The following TNFSF4 variants were observed in gnomAD, a reference collection of about 807,000 sequenced individuals.
The protein encoded by TNFSF4 is TNF superfamily member 4, also known as tumor necrosis factor ligand superfamily member 4.
In TNFSF4, 4 loss-of-function variants were observed where a neutral mutation model predicts 7.3. The observed-to-expected ratio is 0.55, with a 90% CI of 0.27 to 1.25. The LOEUF is 1.25. Ranked by LOEUF, TNFSF4 falls within the 50% of genes most tolerant of loss-of-function variation. TNFSF4 has a pLI of 0.12. For missense variants in TNFSF4, 181 were observed against 208.8 expected (o/e 0.87, Z 0.82); for synonymous variants, 76 against 83.7 (o/e 0.91, Z 0.50).
chr1:173,258,867 A>G, the TNFSF4 span, among the ~76,000 whole-genome samples: 2 of 151,668 alleles, frequency 1.3e-5, no homozygotes, highest in African/African-American at 4.8e-5. Flanking sequence ...CCTGAGATGG[A>G]GCCCCTGATG....
chr1:173,193,657 A>G (rs1208852134), intron 1 of TNFSF4, among the ~76,000 whole-genome samples: 1 of 152,114 alleles, frequency 6.6e-6, no homozygotes, highest in Admixed American at 6.5e-5. Flanking sequence ...AGCTTAGAGA[A>G]AAGAAGAAGT....
the TNFSF4 span, among the ~76,000 whole-genome samples, chr1:173,358,054 G>GTT: frequency 7.2e-5 from 11 of 152,318 alleles, no homozygotes; most frequent in East Asian, 2.1e-3. Flanking sequence ...ATGGGGGGGG[G>GTT]TATCCTGGAT....
the TNFSF4 span, among the ~76,000 whole-genome samples, chr1:173,225,619 G>A: frequency 1.3e-5 from 2 of 152,082 alleles, no homozygotes; most frequent in East Asian, 3.8e-4. Flanking sequence ...AATGAATTAG[G>A]CCCAAATGAC....
chr1:173,404,086 G>A, the TNFSF4 span, among the ~76,000 whole-genome samples: 74 of 152,284 alleles, frequency 4.9e-4, no homozygotes, highest in Middle Eastern at 3.4e-3. Context: ...GGAACATAGA[G>A]CACTAGACAT....
the TNFSF4 span, among the ~76,000 whole-genome samples, chr1:173,411,119 G>A: frequency 6.6e-6 from 1 of 152,192 alleles, no homozygotes; most frequent in Non-Finnish European, 1.5e-5. Flanking sequence ...CTGCGGACCA[G>A]GGCATATCAC....
chr1:173,306,903 G>C, the TNFSF4 span, among the ~76,000 whole-genome samples: 5 of 151,776 alleles, frequency 3.3e-5, no homozygotes, highest in South Asian at 1.0e-3. Flanking sequence ...CTCACCTTTA[G>C]ACTTTGCAGC....
chr1:173,219,781 G>A, the TNFSF4 span, among the ~76,000 whole-genome samples: 1 of 152,114 alleles, frequency 6.6e-6, no homozygotes, highest in Non-Finnish European at 1.5e-5. Flanking sequence ...ATTATTATAA[G>A]TGAACTAACC....
the TNFSF4 span, among the ~76,000 whole-genome samples, chr1:173,278,737 C>G: frequency 6.6e-5 from 10 of 152,066 alleles, no homozygotes; most frequent in South Asian, 8.3e-4. Context: ...GAGGAGATTT[C>G]CAGAACACGT....
At chr1:173,273,074 G>A in the TNFSF4 span, among the ~76,000 whole-genome samples, 14 of 152,090 alleles carry the variant, frequency 9.2e-5, no homozygotes, top group Admixed American at 7.9e-4. Context: ...CTCAATTAGG[G>A]CACAAACAAA....
chr1:173,230,300 T>G, the TNFSF4 span, among the ~76,000 whole-genome samples: 8 of 152,248 alleles, frequency 5.3e-5, no homozygotes, highest in Non-Finnish European at 7.4e-5. Flanking sequence ...CAACTACATG[T>G]AAACTGAACA....
chr1:173,261,301 C>A, the TNFSF4 span, among the ~76,000 whole-genome samples: 1 of 152,142 alleles, frequency 6.6e-6, no homozygotes, highest in South Asian at 2.1e-4. Flanking sequence ...AGAAAATGTA[C>A]CAAATCTCTG....
At chr1:173,287,599 G>A in the TNFSF4 span, among the ~76,000 whole-genome samples, 1 of 152,052 alleles carries the variant, frequency 6.6e-6, no homozygotes, top group African/African-American at 2.4e-5. Flanking sequence ...AATGTTTATG[G>A]TCTCCATCGA....
the TNFSF4 span, among the ~76,000 whole-genome samples, chr1:173,174,130 G>A: frequency 1.3e-5 from 2 of 152,272 alleles, no homozygotes; most frequent in African/African-American, 4.8e-5. Context: ...TCTAGAGCAA[G>A]GCCAAAATGC....
chr1:173,281,832 G>T, the TNFSF4 span, among the ~76,000 whole-genome samples: 1 of 152,060 alleles, frequency 6.6e-6, no homozygotes, highest in African/African-American at 2.4e-5. Flanking sequence ...TCCTATGAGG[G>T]ACATATTAAC....
the TNFSF4 span, among the ~76,000 whole-genome samples, chr1:173,255,278 A>C: frequency 1.3e-5 from 2 of 152,190 alleles, no homozygotes; most frequent in African/African-American, 4.8e-5. Flanking sequence ...AATGCTCCCT[A>C]AAGTTCTGAA....
chr1:173,311,197 C>T, the TNFSF4 span, among the ~76,000 whole-genome samples: 1 of 151,822 alleles, frequency 6.6e-6, no homozygotes. Flanking sequence ...TTTTTGCCAT[C>T]ATTTGGATTG....
the TNFSF4 span, among the ~76,000 whole-genome samples, chr1:173,371,648 A>T: frequency 4.6e-5 from 7 of 152,176 alleles, no homozygotes; most frequent in African/African-American, 1.4e-4. Flanking sequence ...CAAATCTAGG[A>T]GTAAAAAAAC....
intron 1 of TNFSF4, among the ~76,000 whole-genome samples, chr1:173,191,116 C>A (rs1248826194): frequency 1.3e-5 from 2 of 152,146 alleles, no homozygotes; most frequent in South Asian, 4.1e-4. Context: ...AAATATCCTG[C>A]AACTTAAGGA....
the TNFSF4 span, among the ~76,000 whole-genome samples, chr1:173,295,376 A>G: frequency 6.6e-6 from 1 of 152,064 alleles, no homozygotes; most frequent in African/African-American, 2.4e-5. Context: ...TGATGTATCC[A>G]TCCCACAAAA....
Sources: gnomAD v4.1 joint callset for allele counts (sites outside exome capture counted in the v4.1 genomes callset) on GRCh38, gnomAD v4.1.1 for gene constraint, MANE v1.5 for transcripts, NCBI Gene and HGNC (gene_info 2026-07-23, HGNC 2026-07-21) for gene names.